HACD1: variants seen among roughly 807,000 people sequenced by gnomAD.
HACD1 encodes 3-hydroxyacyl-CoA dehydratase 1.
A neutral mutation model predicts 32.0 loss-of-function variants in HACD1; 41 were observed. That is an observed-to-expected ratio of 1.28 (90% CI 1.00 to 1.66). HACD1 has a LOEUF of 1.66. Ranked by LOEUF, HACD1 falls within the 40% of genes most tolerant of loss-of-function variation. The pLI is 0.00. For synonymous variants in HACD1, 142 were observed against 139.0 expected (o/e 1.02, Z -0.15); for missense variants, 396 against 380.1 (o/e 1.04, Z -0.35).
rs1554816293 is a variant in HACD1, at chr10:17,599,399, C to T, written c.496G>A (p.Glu166Lys). ...THSIKPIQNE[E>K]SVVLFLVAWT... ...GCGACCAGAAAAAGCACCACACTCT[C>T]TTCATTCTGGATCTGCAGAATTACA... The change falls in exon 5 of 7, where the codon GAG becomes AAG. Residue 166 changes from glutamate to lysine, a missense_variant. Coordinates refer to ENST00000361271, the MANE Select transcript of HACD1 (RefSeq NM_014241.4). 4.3e-6 allele frequency: 7 copies of T among 1,613,142 alleles called. No individual in the cohort carries two copies. The highest frequency in any genetic ancestry group is 5.9e-6 in the Non-Finnish European group (7 of 1,179,874).
In HACD1 at chr10:17,591,081, C is replaced by T. The variant is rs140352916; in HGVS notation, c.785-635G>A. Among the ~76,000 whole-genome samples, 293 of 152,260 alleles carry T rather than the reference C, an allele frequency of 1.9e-3. 1 individual carries two copies. The highest frequency in any genetic ancestry group is 6.3e-3 in the African/African-American group (260 of 41,546). On this transcript the variant is annotated intron_variant, in intron 6 of 6. Coordinates refer to ENST00000361271, the MANE Select transcript of HACD1 (RefSeq NM_014241.4). The stretch of plus-strand genomic sequence containing the variant: ...GAATTCTGAACTCTTTGGAATGCTG[C>T]GCCAGAACATTCCAGCACAGGGAAA...
intron 1 of HACD1, among the ~76,000 whole-genome samples, chr10:17,608,134 C>T (rs782785485): frequency 4.6e-5 from 7 of 152,152 alleles, no homozygotes; most frequent in Admixed American, 3.3e-4. Flanking sequence ...CTCAGCCTCT[C>T]GAGTAGCTGG....
At position 17,589,550 on chromosome 10, in the gene HACD1, A is replaced by T. The variant is rs1322748749; in HGVS notation, c.*814T>A. 6.6e-6 allele frequency: 1 copy of T among 152,144 alleles called. No individual in the cohort carries two copies. Among genetic ancestry groups the T allele is most frequent in the African/African-American group, 2.4e-5 (1 of 41,414 alleles). The allele number at this position is 152,144 out of a possible 1,614,324, so 9.4% of individuals were successfully genotyped here. A position where few individuals can be genotyped will look rare whatever the true frequency, so the allele number is the denominator to read the frequency against. The stretch of plus-strand genomic sequence containing the variant: ...AACGATCCTCCTGCCTCAGTCTTCC[A>T]AAGTGCTGGGATTACAGGCATGAGC... On this transcript the variant is annotated 3_prime_UTR_variant, in exon 7 of 7. Coordinates refer to ENST00000361271, the MANE Select transcript of HACD1 (RefSeq NM_014241.4).
chr10:17,590,559 G>C (rs2131500225), intron 6 of HACD1, 113 bp from the exon 7 acceptor site: 1 of 667,890 alleles, frequency 1.5e-6, no homozygotes, highest in South Asian at 2.3e-5. Flanking sequence ...TACCACTGCT[G>C]TTCCCTGGAT....
chr10:17,595,504 G>A (rs1173180210), intron 5 of HACD1, among the ~76,000 whole-genome samples: 1 of 152,064 alleles, frequency 6.6e-6, no homozygotes, highest in Non-Finnish European at 1.5e-5. Flanking sequence ...CACATTAAAA[G>A]AAGAGTGAGC....
intron 1 of HACD1, among the ~76,000 whole-genome samples, chr10:17,609,160 T>TTG (rs1554817277): frequency 6.6e-6 from 1 of 150,454 alleles, no homozygotes; most frequent in African/African-American, 2.5e-5. Flanking sequence ...AAAAGGTTTT[T>TTG]TTTTTTTTTT....
At chr10:17,614,835 C>T (rs1833049734) in intron 1 of HACD1, among the ~76,000 whole-genome samples, 1 of 152,176 alleles carries the variant, frequency 6.6e-6, no homozygotes, top group Non-Finnish European at 1.5e-5. Flanking sequence ...TCACTGCAAG[C>T]TCCCTCTCCC....
chr10:17,612,726 C>G (rs969777595), intron 1 of HACD1, among the ~76,000 whole-genome samples: 3 of 151,864 alleles, frequency 2.0e-5, no homozygotes, highest in Non-Finnish European at 4.4e-5. Context: ...CAAGACCAAC[C>G]TGGCCAACAC....
At chr10:17,613,663 C>T (rs1373559258) in intron 1 of HACD1, among the ~76,000 whole-genome samples, 1 of 152,180 alleles carries the variant, frequency 6.6e-6, no homozygotes, top group African/African-American at 2.4e-5. Context: ...GACAAGGAAA[C>T]TTCTCAGTAG....
At chr10:17,605,151 T>C (rs1439212995) in intron 1 of HACD1, among the ~76,000 whole-genome samples, 3 of 152,088 alleles carry the variant, frequency 2.0e-5, no homozygotes, top group Admixed American at 1.3e-4. Flanking sequence ...TTTTGCAAGA[T>C]GAAAAGTTAT....
intron 1 of HACD1, among the ~76,000 whole-genome samples, chr10:17,610,294 T>C (rs1554817384): frequency 1.3e-5 from 2 of 152,220 alleles, no homozygotes; most frequent in African/African-American, 4.8e-5. Context: ...CTTGGGTTTC[T>C]TGTTCTATTA....
intron 4 of HACD1, among the ~76,000 whole-genome samples, chr10:17,602,174 A>C (rs1260879177): frequency 3.3e-5 from 5 of 151,744 alleles, no homozygotes; most frequent in African/African-American, 1.2e-4. Context: ...GGTTCAAGCA[A>C]TTCTCCTGCC....
chr10:17,593,566 C>T (rs1402089979), intron 6 of HACD1, among the ~76,000 whole-genome samples: 2 of 152,208 alleles, frequency 1.3e-5, no homozygotes, highest in East Asian at 1.9e-4. Context: ...CCACCTGCCT[C>T]GGCCTCCCAA....
In HACD1 at chr10:17,589,719, G is replaced by T. The variant is rs1270182465; in HGVS notation, c.*645C>A. ...CTTAAGTGGCTAATTTAAATAAAAA[G>T]CAGATTTCCTTAGCAGTATAAGTAA... On this transcript the variant is annotated 3_prime_UTR_variant, in exon 7 of 7. Transcript: ENST00000361271. The T allele has an allele frequency of 6.6e-6, 1 of 152,124 alleles. No homozygotes were observed. Among genetic ancestry groups the T allele is most frequent in the South Asian group, 2.1e-4 (1 of 4,830 alleles). The allele number at this position is 152,124 out of a possible 1,614,324, so 9.4% of individuals were successfully genotyped here.
At position 17,594,218 on chromosome 10, in the gene HACD1, T is replaced by C; in HGVS notation, c.771A>G (p.Ala257=). The change falls in exon 6 of 7, where the codon GCA becomes GCG. Residue 257 remains alanine (A), a synonymous_variant. Transcript: ENST00000361271. ...GTATATACTTACAAGGTATATATGA[T>C]GCCATGGTTATAAGAAGAAAATAAT... The part of the protein sequence containing the change: ...DYYYFLLITM[A]SYIPLFPQLY... 1.3e-6 allele frequency: 2 copies of C among 1,563,624 alleles called. No homozygotes were observed. Among genetic ancestry groups the C allele is most frequent in the Non-Finnish European group, 1.7e-6 (2 of 1,155,022 alleles).
intron 4 of HACD1, among the ~76,000 whole-genome samples, chr10:17,599,838 CT>C (rs1303724267): frequency 6.6e-6 from 1 of 152,198 alleles, no homozygotes; most frequent in East Asian, 1.9e-4. Flanking sequence ...ATCTTGACTA[CT>C]GTAACTGTTT....
intron 4 of HACD1, chr10:17,603,301 C>A: frequency 2.9e-6 from 1 of 344,538 alleles, no homozygotes. Context: ...TTGACAGAAC[C>A]TGAATACTGA....
intron 1 of HACD1, among the ~76,000 whole-genome samples, chr10:17,607,294 C>A (rs79311889): frequency 0.02 from 3,099 of 152,172 alleles, 46 homozygotes; most frequent in Middle Eastern, 0.071. Context: ...TTCCACTCTA[C>A]CCCAGCTTCA....
At position 17,617,172 on chromosome 10, in the gene HACD1, G is replaced by A. The variant is rs1554818237; in HGVS notation, c.168C>T (p.Gly56=). The change falls in exon 1 of 7, where the codon GGC becomes GGT. Residue 56 remains glycine, a synonymous_variant. Coordinates refer to ENST00000361271, the MANE Select transcript of HACD1 (RefSeq NM_014241.4). ...DGTNGGASEA[G]EDREAPGERR... is the part of the protein sequence containing the mutation. The stretch of plus-strand genomic sequence containing the variant: ...GCTCGCCGGGAGCCTCCCGGTCCTC[G>A]CCGGCCTCCGAGGCGCCGCCGTTGG... The A allele has an allele frequency of 2.7e-6, 4 of 1,504,452 alleles. No homozygotes were observed. Among genetic ancestry groups the A allele is most frequent in the East Asian group, 2.8e-5 (1 of 35,954 alleles). The allele number at this position is 1,504,452 out of a possible 1,614,324, so 93.2% of individuals were successfully genotyped here. A position where few individuals can be genotyped will look rare whatever the true frequency, so the allele number is the denominator to read the frequency against.
Sources: gnomAD v4.1 joint callset for allele counts (sites outside exome capture counted in the v4.1 genomes callset) on GRCh38, gnomAD v4.1.1 for gene constraint, MANE v1.5 for transcripts, NCBI Gene and HGNC (gene_info 2026-07-23, HGNC 2026-07-21) for gene names.